ASPH: variants seen among roughly 807,000 people sequenced by gnomAD.
ASPH encodes the protein aspartate beta-hydroxylase.
Under a neutral mutation model 118.4 loss-of-function variants are expected in ASPH, and 100 were observed. The ratio of observed to expected loss-of-function variants is 0.84; its 90% CI spans 0.72 to 1.00. The LOEUF is 1.00. Among genes scored for constraint, ASPH ranks in the 50% least tolerant of loss-of-function variants. The pLI is 0.00. For synonymous variants in ASPH, 315 were observed against 325.6 expected (o/e 0.97, Z 0.35); for missense variants, 920 against 919.5 (o/e 1.00, Z -0.01).
chr8:61,665,013 A>G, intron 3 of ASPH: 1 of 1,245,642 alleles, frequency 8.0e-7, no homozygotes, highest in South Asian at 3.2e-5. Flanking sequence ...TGAATACATG[A>G]TCAATAAATA....
In ASPH at chr8:61,601,559, A is replaced by G. The variant is rs76068979; in HGVS notation, c.976+17419T>C. ...CATCTCAAAAAAAGAGAGAGAGAGA[A>G]AAAAAAAAAACCTCAAAAAGGAACA... is the stretch of plus-strand genomic sequence containing the variant. On this transcript the variant is annotated intron_variant, in intron 14 of 24. Coordinates refer to ENST00000379454, the MANE Select transcript of ASPH (RefSeq NM_004318.4). Among the ~76,000 whole-genome samples the G allele has an allele frequency of 4.7e-4, 67 of 143,944 alleles. 1 individual carries two copies. Among genetic ancestry groups the G allele is most frequent in the African/African-American group, 1.0e-3 (35 of 35,002 alleles). 94.4% of individuals were successfully genotyped at this position (143,944 alleles called of 152,430 possible). A position where few individuals can be genotyped will look rare whatever the true frequency, so the allele number is the denominator to read the frequency against.
chr8:61,567,562 T>C (rs1832123372), intron 16 of ASPH, among the ~76,000 whole-genome samples: 1 of 152,224 alleles, frequency 6.6e-6, no homozygotes, highest in African/African-American at 2.4e-5. Context: ...GCAGGACTAA[T>C]ACACGCTGGG....
At chr8:61,695,504 C>T (rs1057214728) in intron 1 of ASPH, among the ~76,000 whole-genome samples, 1 of 152,282 alleles carries the variant, frequency 6.6e-6, no homozygotes, top group South Asian at 2.1e-4. Context: ...CAAAGCTGCA[C>T]CATCACATAC....
At chr8:61,582,405 G>A (rs571107987) in intron 15 of ASPH, among the ~76,000 whole-genome samples, 27 of 152,258 alleles carry the variant, frequency 1.8e-4, no homozygotes, top group Admixed American at 1.6e-3. Flanking sequence ...AGAAAGTGGA[G>A]GTTGCCAAAG....
chr8:61,659,415 T>C (rs1452597777), intron 3 of ASPH: 1 of 152,180 alleles, frequency 6.6e-6, no homozygotes. Flanking sequence ...AAGTGATACA[T>C]AAGGCAAAGA....
intron 22 of ASPH, among the ~76,000 whole-genome samples, chr8:61,520,388 T>G (rs1249841853): frequency 6.6e-6 from 1 of 152,250 alleles, no homozygotes; most frequent in African/African-American, 2.4e-5. Flanking sequence ...GAGTTTAATT[T>G]TATTTAATTA....
intron 1 of ASPH, among the ~76,000 whole-genome samples, chr8:61,706,381 G>A (rs1031848034): frequency 5.5e-5 from 7 of 127,730 alleles, no homozygotes; most frequent in African/African-American, 2.1e-4. Flanking sequence ...CTGCAGCCTG[G>A]GTGAAAGAGC....
chr8:61,523,155 A>T (rs1473983099), intron 22 of ASPH, among the ~76,000 whole-genome samples: 1 of 152,022 alleles, frequency 6.6e-6, no homozygotes, highest in East Asian at 1.9e-4. Context: ...TGGCTAAGCA[A>T]ACTGGTCACT....
intron 18 of ASPH, among the ~76,000 whole-genome samples, chr8:61,559,710 G>C (rs1215619330): frequency 6.6e-6 from 1 of 152,118 alleles, no homozygotes; most frequent in Non-Finnish European, 1.5e-5. Flanking sequence ...TGTACCTTTT[G>C]TAATGCACAT....
chr8:61,694,540 C>T (rs79245535), intron 1 of ASPH, among the ~76,000 whole-genome samples: 3,512 of 152,240 alleles, frequency 0.023, 119 homozygotes, highest in East Asian at 0.16. Context: ...CTGACTTGAC[C>T]CTCTCAGCAG....
chr8:61,623,160 TAC>T (rs1851575523), intron 13 of ASPH, among the ~76,000 whole-genome samples: 2 of 152,216 alleles, frequency 1.3e-5, no homozygotes, highest in Non-Finnish European at 2.9e-5. Context: ...TGTACTAATT[TAC>T]ACTCCCACTA....
At chr8:61,672,879 T>G (rs975935035) in intron 3 of ASPH, among the ~76,000 whole-genome samples, 3 of 152,110 alleles carry the variant, frequency 2.0e-5, no homozygotes, top group African/African-American at 7.2e-5. Flanking sequence ...TCACAGAAAA[T>G]TTCTTGTATG....
intron 22 of ASPH, among the ~76,000 whole-genome samples, chr8:61,523,133 G>C (rs1813763751): frequency 6.6e-6 from 1 of 152,018 alleles, no homozygotes; most frequent in Non-Finnish European, 1.5e-5. Context: ...CTCTGAATCT[G>C]AGTTCTCAAT....
intron 15 of ASPH, chr8:61,578,828 T>A: frequency 6.2e-7 from 1 of 1,611,892 alleles, no homozygotes; most frequent in Non-Finnish European, 8.5e-7. Context: ...TGGATGAAGC[T>A]TACATGAACA....
At chr8:61,669,947 T>C (rs1301864362) in intron 3 of ASPH, among the ~76,000 whole-genome samples, 2 of 152,206 alleles carry the variant, frequency 1.3e-5, no homozygotes, top group Non-Finnish European at 2.9e-5. Context: ...TTTTAAACTT[T>C]TTTGGTTTGG....
intron 21 of ASPH, among the ~76,000 whole-genome samples, chr8:61,532,916 T>C (rs1014166088): frequency 6.6e-6 from 1 of 152,212 alleles, no homozygotes; most frequent in Non-Finnish European, 1.5e-5. Flanking sequence ...GCTTGCACTA[T>C]ATGCAAGTAT....
At chr8:61,667,268 G>A (rs1820144690) in intron 3 of ASPH, among the ~76,000 whole-genome samples, 4 of 152,112 alleles carry the variant, frequency 2.6e-5, no homozygotes, top group Admixed American at 2.6e-4. Context: ...CAAAGAATAT[G>A]ACTACTAACA....
intron 3 of ASPH, among the ~76,000 whole-genome samples, chr8:61,666,853 A>G (rs1563480413): frequency 6.6e-6 from 1 of 152,174 alleles, no homozygotes; most frequent in Admixed American, 6.5e-5. Context: ...TGGCATTGCA[A>G]AAGTGTAAAA....
chr8:61,522,983 C>T (rs1400948324), intron 22 of ASPH, among the ~76,000 whole-genome samples: 1 of 152,166 alleles, frequency 6.6e-6, no homozygotes, highest in African/African-American at 2.4e-5. Context: ...GTACACAGTT[C>T]AGTCCATAGA....
Sources: gnomAD v4.1 joint callset for allele counts (sites outside exome capture counted in the v4.1 genomes callset) on GRCh38, gnomAD v4.1.1 for gene constraint, MANE v1.5 for transcripts, NCBI Gene and HGNC (gene_info 2026-07-23, HGNC 2026-07-21) for gene names.